ANPEP: variants seen among roughly 807,000 people sequenced by gnomAD.
ANPEP encodes the protein aminopeptidase N.
A neutral mutation model predicts 114.6 loss-of-function variants in ANPEP; 70 were observed. The observed-to-expected ratio is 0.61, with a 90% CI of 0.50 to 0.75. The LOEUF (loss-of-function observed/expected upper bound fraction) is 0.75. Ranked by LOEUF, ANPEP falls within the 30% of genes least tolerant of loss-of-function variation. ANPEP has a pLI of 0.00. For synonymous variants in ANPEP, 548 were observed against 522.3 expected (o/e 1.05, Z -0.67); for missense variants, 1,184 against 1,259.5 (o/e 0.94, Z 0.91).
In ANPEP at chr15:89,792,156, T is replaced by A. The variant is rs1453690321; in HGVS notation, c.2528+4A>T. 1 of 1,613,226 alleles carries A rather than the reference T, an allele frequency of 6.2e-7. No homozygotes were observed. The highest frequency in any genetic ancestry group is 1.1e-5 in the South Asian group (1 of 91,026). Reference sequence around the variant, plus strand: ...TCGCAGTCCCACCCTGCGCCAAGACTCACCTGTTCAGGATCCACAACTCTT... The same window carrying A: ...TCGCAGTCCCACCCTGCGCCAAGACACACCTGTTCAGGATCCACAACTCTT... On this transcript the variant is annotated splice_donor_region_variant and intron_variant, in intron 18 of 20. Transcript: ENST00000300060.
rs1169626578 is a variant in ANPEP, at chr15:89,799,496, C to T, written c.1883G>A (p.Gly628Asp). The change falls in exon 13 of 21, where the codon GGC (glycine) becomes GAC (aspartate). Residue 628 changes from glycine to aspartate, a missense_variant. Coordinates refer to ENST00000300060, the MANE Select transcript of ANPEP (RefSeq NM_001150.3). The surrounding 1 kb of genome is among the most constrained non-coding windows in gnomAD (Gnocchi z 4.2). ...TTCGTCGTAGTTCACCCGGTAATAG[C>T]CCGTCACATTGAGGTTCAGCAGGAC... ...EWVLLNLNVTGYYRVNYDEEN... is the reference protein window; with the variant it reads ...EWVLLNLNVTDYYRVNYDEEN... 3 of 1,614,056 alleles carry T rather than the reference C, an allele frequency of 1.9e-6. No homozygotes were observed. The highest frequency in any genetic ancestry group is 2.5e-6 in the Non-Finnish European group (3 of 1,180,044).
At chr15:89,793,258 A>G (rs1968667723) in intron 15 of ANPEP, 132 bp from the exon 16 acceptor site, 2 of 698,926 alleles carry the variant, frequency 2.9e-6, no homozygotes, top group East Asian at 5.1e-5. Flanking sequence ...GAGGCCAAAC[A>G]GTGCTCAAAG....
intron 1 of ANPEP, among the ~76,000 whole-genome samples, chr15:89,812,098 G>A (rs1166785094): frequency 6.6e-6 from 1 of 152,228 alleles, no homozygotes; most frequent in African/African-American, 2.4e-5. Context: ...GATGTGAAGT[G>A]CAAGAGGCTT....
intron 1 of ANPEP, among the ~76,000 whole-genome samples, chr15:89,808,284 C>T (rs1337436583): frequency 5.3e-5 from 8 of 152,206 alleles, no homozygotes; most frequent in South Asian, 2.1e-4. Flanking sequence ...TCTTCCGCAG[C>T]GAAGCCGCCC....
chr15:89,796,925 T>C (rs1174510754), intron 15 of ANPEP, among the ~76,000 whole-genome samples: 2 of 152,214 alleles, frequency 1.3e-5, no homozygotes, highest in Non-Finnish European at 2.9e-5. Context: ...AGTATTTGTG[T>C]TTTGTTTGCT....
At chr15:89,789,197 C>G (rs1436956088) in intron 20 of ANPEP, among the ~76,000 whole-genome samples, 1 of 151,730 alleles carries the variant, frequency 6.6e-6, no homozygotes, top group Non-Finnish European at 1.5e-5. Flanking sequence ...CCACGCTGGT[C>G]TGGAACTCCC....
chr15:89,807,163 G>A (rs562029551), intron 1 of ANPEP, among the ~76,000 whole-genome samples: 52 of 152,322 alleles, frequency 3.4e-4, no homozygotes, highest in African/African-American at 1.2e-3. Flanking sequence ...GTTCCTCCAG[G>A]TTCCCCTCCC....
intron 1 of ANPEP, among the ~76,000 whole-genome samples, chr15:89,813,971 G>T (rs938019875): frequency 7.0e-6 from 1 of 142,502 alleles, no homozygotes; most frequent in East Asian, 2.1e-4. Context: ...CACCTGGGCC[G>T]TCCCTGCCCA....
chr15:89,785,041 G>A lies in ANPEP; in HGVS notation c.*308C>T. ...AGCAAGGCCGTTCATTGTCCATCGA[G>A]AGCTTCTGCTCATCTGGCCCTGGAG... On this transcript the variant is annotated 3_prime_UTR_variant, in exon 21 of 21. Coordinates refer to ENST00000300060, the MANE Select transcript of ANPEP (RefSeq NM_001150.3). The A allele has an allele frequency of 5.8e-6, 2 of 343,680 alleles. No homozygotes were observed. Among genetic ancestry groups the A allele is most frequent in the Non-Finnish European group, 1.1e-5 (2 of 183,190 alleles). The allele number at this position is 343,680 out of a possible 1,614,324, so 21.3% of individuals were successfully genotyped here. A position where few individuals can be genotyped will look rare whatever the true frequency, so the allele number is the denominator to read the frequency against.
Position 89,801,353 on chromosome 15 carries a change from G to A in ANPEP, c.1742+82C>T, listed in dbSNP as rs1423353599. The A allele has an allele frequency of 3.8e-6, 6 of 1,567,084 alleles. No homozygotes were observed. In the East Asian group the frequency reaches 1.3e-4, roughly 35 times the overall value. ...ACAGTGGCTGGGGCTGGGACCACAGGAGGCCAGTCCTACTATGGTCCCTTA... is the reference window on the plus strand; with the variant it reads ...ACAGTGGCTGGGGCTGGGACCACAGAAGGCCAGTCCTACTATGGTCCCTTA... On this transcript the variant is annotated intron_variant, in intron 11 of 20. Coordinates refer to ENST00000300060, the MANE Select transcript of ANPEP (RefSeq NM_001150.3).
chr15:89,806,877 A>T lies in ANPEP; in HGVS notation c.-223-71T>A. 2.5e-5 allele frequency: 9 copies of T among 362,148 alleles called. No individual in the cohort carries two copies. Among genetic ancestry groups the T allele is most frequent in the Non-Finnish European group, 3.6e-5 (7 of 195,402 alleles). 22.4% of individuals were successfully genotyped at this position (362,148 alleles called of 1,614,324 possible). A position where few individuals can be genotyped will look rare whatever the true frequency, so the allele number is the denominator to read the frequency against. Reference sequence around the variant, plus strand: ...GGATCAGGCCCGAGGGCTGAAGGGCAGGCTTCCGGCTGTAGGCCCAGTGGG... The same window carrying T: ...GGATCAGGCCCGAGGGCTGAAGGGCTGGCTTCCGGCTGTAGGCCCAGTGGG... On this transcript the variant is annotated intron_variant, in intron 1 of 20. Transcript: ENST00000300060. The surrounding 1 kb of genome is among the most constrained non-coding windows in gnomAD (Gnocchi z 5.7).
intron 18 of ANPEP, among the ~76,000 whole-genome samples, chr15:89,791,599 A>ATTTTTTT (rs10596905): frequency 7.4e-6 from 1 of 135,280 alleles, no homozygotes; most frequent in African/African-American, 2.7e-5. Flanking sequence ...CACCATGCCT[A>ATTTTTTT]TTTTTTTTTT....
rs1207602390 is a variant in ANPEP, at chr15:89,785,062, T to G, written c.*287A>C. 3 of 383,108 alleles carry G rather than the reference T, an allele frequency of 7.8e-6. No individual in the cohort carries two copies. Among genetic ancestry groups the G allele is most frequent in the Non-Finnish European group, 1.5e-5 (3 of 206,528 alleles). 23.7% of individuals were successfully genotyped at this position (383,108 alleles called of 1,614,324 possible). On this transcript the variant is annotated 3_prime_UTR_variant, in exon 21 of 21. Transcript: ENST00000300060. ...TCGAGAGCTTCTGCTCATCTGGCCC[T>G]GGAGCTGGGCTTCCCTGAGATCAGC...
chr15:89,813,530 G>C (rs1894852176), intron 1 of ANPEP, among the ~76,000 whole-genome samples: 1 of 152,136 alleles, frequency 6.6e-6, no homozygotes. Flanking sequence ...TTCGAGGCTA[G>C]GGCTCCACAG....
Position 89,799,505 on chromosome 15 carries a change from T to C in ANPEP, c.1874A>G (p.Asn625Ser), listed in dbSNP as rs1567158374. ...GTTCACCCGGTAATAGCCCGTCACA[T>C]TGAGGTTCAGCAGGACCCACTCATT... is the stretch of plus-strand genomic sequence containing the variant. ...SGNEWVLLNLNVTGYYRVNYD... is the reference protein window; with the variant it reads ...SGNEWVLLNLSVTGYYRVNYD... Residue 625 changes from asparagine (N) to serine (S), a missense_variant, in exon 13 of 21, where the codon AAT becomes AGT. Coordinates refer to ENST00000300060, the MANE Select transcript of ANPEP (RefSeq NM_001150.3). The surrounding 1 kb of genome is among the most constrained non-coding windows in gnomAD (Gnocchi z 4.2). 2 of 1,614,146 alleles carry C rather than the reference T, an allele frequency of 1.2e-6. No individual in the cohort carries two copies. Among genetic ancestry groups the C allele is most frequent in the Non-Finnish European group, 1.7e-6 (2 of 1,180,026 alleles).
At position 89,801,621 on chromosome 15, in the gene ANPEP, G is replaced by C. The variant is rs748495843; in HGVS notation, c.1570-14C>G. 1.2e-6 allele frequency: 2 copies of C among 1,611,240 alleles called. No homozygotes were observed. The highest frequency in any genetic ancestry group is 1.7e-6 in the Non-Finnish European group (2 of 1,178,348). On this transcript the variant is annotated splice_polypyrimidine_tract_variant and intron_variant, in intron 10 of 20. Transcript: ENST00000300060. ...GTTGTTCACAGCCTGTGGGTGGAGC[G>C]AGAGGGCGTGGCCATCAGTGGGACC...
intron 15 of ANPEP, among the ~76,000 whole-genome samples, chr15:89,796,663 A>ATT (rs11419701): frequency 2.2e-5 from 3 of 138,802 alleles, no homozygotes; most frequent in Non-Finnish European, 3.2e-5. Context: ...AATTTTTTGT[A>ATT]TTTTTTTTTT....
Position 89,804,233 on chromosome 15 carries a change from T to C in ANPEP, c.1179+20A>G, listed in dbSNP as rs199782208. The C allele has an allele frequency of 6.2e-7, 1 of 1,613,634 alleles. No individual in the cohort carries two copies. On this transcript the variant is annotated intron_variant, in intron 6 of 20. Transcript: ENST00000300060. ...GGAGCCCCTGTTTCCTTCTCCGCACTCCCCGAGATGGGGGTCTACCTGGTG... is the reference window on the plus strand; with the variant it reads ...GGAGCCCCTGTTTCCTTCTCCGCACCCCCCGAGATGGGGGTCTACCTGGTG...
intron 1 of ANPEP, among the ~76,000 whole-genome samples, chr15:89,813,997 G>GGGGT (rs1555442931): frequency 1.6e-5 from 2 of 125,116 alleles, no homozygotes; most frequent in African/African-American, 5.1e-5. Context: ...CTGCTGGGGG[G>GGGGT]GGGGGGTGCG....
Sources: gnomAD v4.1 joint callset for allele counts (sites outside exome capture counted in the v4.1 genomes callset) on GRCh38, gnomAD v4.1.1 for gene constraint, Gnocchi (gnomAD v3.1) non-coding constraint, MANE v1.5 for transcripts, NCBI Gene and HGNC (gene_info 2026-07-23, HGNC 2026-07-21) for gene names.